SMOC2: variants seen among roughly 807,000 people sequenced by gnomAD.
The protein encoded by SMOC2 is SPARC related modular calcium binding 2.
Under a neutral mutation model 61.4 loss-of-function variants are expected in SMOC2, and 39 were observed. The ratio of observed to expected loss-of-function variants is 0.64; its 90% confidence interval spans 0.49 to 0.83. The LOEUF (loss-of-function observed/expected upper bound fraction) is 0.83, where lower values mean the gene tolerates loss of function less well. Ranked by LOEUF, SMOC2 falls within the 40% of genes least tolerant of loss-of-function variation. The pLI, the probability that SMOC2 is intolerant of heterozygous loss-of-function variation, is 0.00. For synonymous variants in SMOC2, 247 were observed against 239.9 expected, an observed-to-expected ratio of 1.03 and a Z score of -0.27; for missense variants, 556 against 592.9, an observed-to-expected ratio of 0.94 and a Z score of 0.65.
In SMOC2 at chr6:168,535,127, C is replaced by T. The variant is rs145379299; in HGVS notation, c.463+7400C>T. 6.6e-6 allele frequency among the ~76,000 whole-genome samples: 1 copy of T among 151,860 alleles called. No homozygotes were observed. ...CTGGGACTACAGGCACCCGCCACCA[C>T]GCCCAGCTAATGTTTTGTATTTTTA... On this transcript the variant is annotated intron_variant, in intron 4 of 12. Coordinates refer to ENST00000356284, the MANE Select transcript of SMOC2 (RefSeq NM_001166412.2). The surrounding 1 kb of genome is among the most constrained non-coding windows in gnomAD (Gnocchi z 4.6).
At chr6:168,538,245 C>A (rs1783784996) in intron 4 of SMOC2, among the ~76,000 whole-genome samples, 2 of 123,434 alleles carry the variant, frequency 1.6e-5, no homozygotes, top group African/African-American at 6.5e-5. Flanking sequence ...AGCGGGGTGG[C>A]CCCTGCTGGA....
chr6:168,443,046 G>A (rs771035992), intron 1 of SMOC2, among the ~76,000 whole-genome samples: 22 of 152,344 alleles, frequency 1.4e-4, no homozygotes, highest in South Asian at 2.1e-4. Flanking sequence ...TACTCTTAAA[G>A]CACACTAGAG....
intron 1 of SMOC2, among the ~76,000 whole-genome samples, chr6:168,458,714 C>T (rs1433401383): frequency 6.6e-6 from 1 of 152,154 alleles, no homozygotes; most frequent in Non-Finnish European, 1.5e-5. Context: ...TCACGTCCCC[C>T]TGCCCTCCAG....
intron 1 of SMOC2, among the ~76,000 whole-genome samples, chr6:168,476,257 G>A (rs944716788): frequency 2.6e-5 from 4 of 152,048 alleles, no homozygotes; most frequent in Admixed American, 1.3e-4. Context: ...CACAATTTTC[G>A]TGATATATAG....
At chr6:168,598,640 C>G (rs112498383) in intron 7 of SMOC2, among the ~76,000 whole-genome samples, 178 bp from the exon 8 acceptor site, 1,577 of 152,282 alleles carry the variant, frequency 0.01, 27 homozygotes, top group African/African-American at 0.034. Context: ...GCTGCGGGAA[C>G]TGGAGCCATG....
chr6:168,474,879 T>G (rs939754006), intron 1 of SMOC2, among the ~76,000 whole-genome samples: 2 of 152,190 alleles, frequency 1.3e-5, no homozygotes, highest in African/African-American at 2.4e-5. Flanking sequence ...ATAAAGAGGT[T>G]TTGACTGCTA....
At chr6:168,580,771 G>A (rs544019075) in intron 7 of SMOC2, among the ~76,000 whole-genome samples, 119 of 152,120 alleles carry the variant, frequency 7.8e-4, no homozygotes, top group African/African-American at 2.7e-3. Context: ...TCAAATTCCT[G>A]GGCTTAAGTG....
At chr6:168,651,857 G>A (rs1242507626) in intron 10 of SMOC2, among the ~76,000 whole-genome samples, 5 of 152,040 alleles carry the variant, frequency 3.3e-5, no homozygotes, top group South Asian at 2.1e-4. Context: ...CCTGGCCAAC[G>A]TGGTGAAAAC....
chr6:168,569,097 ACT>A (rs1175339572), intron 7 of SMOC2, among the ~76,000 whole-genome samples: 4 of 151,294 alleles, frequency 2.6e-5, no homozygotes, highest in African/African-American at 9.7e-5. Context: ...GTACAGTAAA[ACT>A]CTGTGTGTCT....
chr6:168,496,354 T>C (rs1162835298), intron 1 of SMOC2, among the ~76,000 whole-genome samples: 1 of 152,186 alleles, frequency 6.6e-6, no homozygotes, highest in Non-Finnish European at 1.5e-5. Context: ...TGAGCTGCCT[T>C]GTCCCAGACA....
At position 168,599,624 on chromosome 6, in the gene SMOC2, CCA is replaced by C. The variant is rs1178986291; in HGVS notation, c.824+628_824+629del. 7.0e-5 allele frequency among the ~76,000 whole-genome samples: 8 copies of C among 114,622 alleles called. No individual in the cohort carries two copies. The South Asian group carries it at 9.7e-4, about 14-fold the overall frequency. 75.2% of individuals were successfully genotyped at this position (114,622 alleles called of 152,430 possible). The stretch of plus-strand genomic sequence containing the variant: ...CCCCACACACCCACACACACTCATA[CCA>C]CACACACCCACACCCACACACACTC... On this transcript the variant is annotated intron_variant, in intron 8 of 12. Coordinates refer to ENST00000356284, the MANE Select transcript of SMOC2 (RefSeq NM_001166412.2).
intron 7 of SMOC2, among the ~76,000 whole-genome samples, chr6:168,592,177 G>C (rs138338609): frequency 1.1e-4 from 17 of 152,252 alleles, no homozygotes; most frequent in African/African-American, 3.6e-4. Context: ...TATTTCCCTA[G>C]TTCTCTACCC....
At chr6:168,609,112 G>A (rs550180678) in intron 9 of SMOC2, among the ~76,000 whole-genome samples, 4 of 152,348 alleles carry the variant, frequency 2.6e-5, no homozygotes, top group East Asian at 3.9e-4. Context: ...TCATTGCTAC[G>A]TGTTCATAGC....
At chr6:168,504,053 C>T (rs1272487902) in intron 1 of SMOC2, among the ~76,000 whole-genome samples, 7 of 152,130 alleles carry the variant, frequency 4.6e-5, no homozygotes, top group Admixed American at 1.3e-4. Context: ...ACACACGAGG[C>T]CTGCTTTCAG....
chr6:168,547,176 C>CG lies in SMOC2; in HGVS notation c.562+11dup, dbSNP rs1562340151. On this transcript the variant is annotated splice_region_variant and intron_variant, in intron 6 of 12. Coordinates refer to ENST00000356284, the MANE Select transcript of SMOC2 (RefSeq NM_001166412.2). ...CCTCAAGGAGATGAAGAAGGTGAGC[C>CG]GGGGTGGGGATTGCACAGTCTGGGT... 1.2e-6 allele frequency: 2 copies of CG among 1,613,566 alleles called. No individual in the cohort carries two copies. The highest frequency in any genetic ancestry group is 4.5e-5 in the East Asian group (2 of 44,848).
chr6:168,521,978 G>A (rs901647676), intron 2 of SMOC2, among the ~76,000 whole-genome samples: 19 of 152,200 alleles, frequency 1.2e-4, no homozygotes, highest in African/African-American at 4.1e-4. Context: ...TCTAAAAATA[G>A]ATGACAAAAT....
chr6:168,603,344 C>A (rs1785606493), intron 8 of SMOC2, among the ~76,000 whole-genome samples: 1 of 144,724 alleles, frequency 6.9e-6, no homozygotes, highest in South Asian at 2.2e-4. Flanking sequence ...AGGGGTGGGG[C>A]AGATGGGGAG....
At chr6:168,514,154 A>T (rs929307732) in intron 2 of SMOC2, among the ~76,000 whole-genome samples, 1 of 152,114 alleles carries the variant, frequency 6.6e-6, no homozygotes, top group Non-Finnish European at 1.5e-5. Context: ...CAACGCTGCA[A>T]ATTTGTTTAC....
chr6:168,658,312 C>T (rs567460890), intron 11 of SMOC2, among the ~76,000 whole-genome samples: 182 of 152,324 alleles, frequency 1.2e-3, no homozygotes, highest in Non-Finnish European at 2.0e-3. Context: ...TCCTCTGTTA[C>T]GGAAACCAGT....
Sources: allele counts gnomAD v4.1 joint callset (sites outside exome capture counted in the v4.1 genomes callset), GRCh38; gene constraint gnomAD v4.1.1; non-coding constraint Gnocchi (gnomAD v3.1); transcripts MANE v1.5; gene names NCBI Gene and HGNC (gene_info 2026-07-23, HGNC 2026-07-21).